AKAP19: variants seen among roughly 807,000 people sequenced by gnomAD.
The protein encoded by AKAP19 is A-kinase anchoring protein 19.
At chr2:190,150,491 C>T in the AKAP19 span, 2 of 152,224 alleles carry the variant, frequency 1.3e-5, no homozygotes, top group Admixed American at 1.3e-4. Flanking sequence ...TTCAGCCTCT[C>T]CAGTGGGAGG....
chr2:190,064,883 C>T, the AKAP19 span, among the ~76,000 whole-genome samples: 1 of 152,138 alleles, frequency 6.6e-6, no homozygotes, highest in Non-Finnish European at 1.5e-5. Context: ...TTTCCGCTAA[C>T]AGACAATTCT....
At chr2:189,894,299 C>A in the AKAP19 span, among the ~76,000 whole-genome samples, 2 of 152,120 alleles carry the variant, frequency 1.3e-5, no homozygotes, top group African/African-American at 4.8e-5. Context: ...TATATTATAA[C>A]ACATTTATGA....
At chr2:189,886,609 G>C in the AKAP19 span, among the ~76,000 whole-genome samples, 6 of 152,176 alleles carry the variant, frequency 3.9e-5, no homozygotes, top group Non-Finnish European at 5.9e-5. Context: ...AAATGCAGGA[G>C]GGATCAGAAT....
chr2:189,946,017 A>G, the AKAP19 span, among the ~76,000 whole-genome samples: 2 of 152,212 alleles, frequency 1.3e-5, no homozygotes, highest in African/African-American at 4.8e-5. Context: ...TAATGTAACA[A>G]GTTTTGGACT....
the AKAP19 span, among the ~76,000 whole-genome samples, chr2:189,994,072 G>A: frequency 1.0e-4 from 15 of 150,116 alleles, no homozygotes; most frequent in East Asian, 3.9e-4. Context: ...GTGCACTGGC[G>A]CGATCTCAGC....
the AKAP19 span, among the ~76,000 whole-genome samples, chr2:190,157,393 C>CACACACACACACACACACACACAT: frequency 6.9e-4 from 103 of 149,346 alleles, 1 homozygote; most frequent in African/African-American, 2.3e-3. Context: ...CACACACACA[C>CACACACACACACACACACACACAT]ATATCACAGG....
the AKAP19 span, chr2:190,181,230 A>T: frequency 1.2e-6 from 1 of 856,388 alleles, no homozygotes; most frequent in Non-Finnish European, 1.4e-6. Flanking sequence ...GGAGGCTTTA[A>T]TTAAACGAGA....
At chr2:190,100,493 T>A in the AKAP19 span, among the ~76,000 whole-genome samples, 4 of 152,086 alleles carry the variant, frequency 2.6e-5, no homozygotes, top group African/African-American at 9.7e-5. Context: ...TTCTAATGAG[T>A]AGGTCATAGT....
the AKAP19 span, among the ~76,000 whole-genome samples, chr2:190,169,583 A>C: frequency 6.6e-6 from 1 of 152,252 alleles, no homozygotes; most frequent in East Asian, 1.9e-4. Flanking sequence ...GCTTCTTATG[A>C]ACAAATAACA....
the AKAP19 span, chr2:190,180,590 G>T: frequency 1.0e-6 from 1 of 985,852 alleles, no homozygotes; most frequent in South Asian, 4.7e-5. The surrounding 1 kb of genome is among the most constrained non-coding windows in gnomAD (Gnocchi z 6.8). Context: ...GGGCGTGAGG[G>T]CGGTGGCCCA....
the AKAP19 span, among the ~76,000 whole-genome samples, chr2:189,885,288 ACTGTGGGGAAGCTAATCAC>A: frequency 1.8e-4 from 28 of 152,330 alleles, 1 homozygote; most frequent in Non-Finnish European, 5.9e-5. Context: ...TGAAATGGTA[ACTGTGGGGAAGCTAATCAC>A]CTTGTGAGAA....
At chr2:190,076,546 T>C in the AKAP19 span, among the ~76,000 whole-genome samples, 1 of 152,336 alleles carries the variant, frequency 6.6e-6, no homozygotes, top group East Asian at 1.9e-4. Flanking sequence ...TTTCAGACAT[T>C]TCACTGGATA....
the AKAP19 span, among the ~76,000 whole-genome samples, chr2:190,026,907 T>C: frequency 6.6e-6 from 1 of 152,110 alleles, no homozygotes; most frequent in South Asian, 2.1e-4. Flanking sequence ...ATAAAACCAG[T>C]TCTTGCACAC....
the AKAP19 span, among the ~76,000 whole-genome samples, chr2:190,121,929 G>A: frequency 4.6e-5 from 7 of 152,116 alleles, no homozygotes; most frequent in Admixed American, 3.9e-4. Flanking sequence ...GTGATGATGT[G>A]TTTTGCTGAT....
At chr2:190,015,263 C>T in the AKAP19 span, among the ~76,000 whole-genome samples, 1 of 152,212 alleles carries the variant, frequency 6.6e-6, no homozygotes, top group Non-Finnish European at 1.5e-5. Flanking sequence ...CATTTCCATA[C>T]ATCCTTTGAA....
the AKAP19 span, among the ~76,000 whole-genome samples, chr2:190,078,784 A>G: frequency 2.0e-5 from 3 of 152,114 alleles, no homozygotes; most frequent in African/African-American, 4.8e-5. Flanking sequence ...CAGCAATTCT[A>G]TCTTTTAGGA....
the AKAP19 span, among the ~76,000 whole-genome samples, chr2:190,004,137 G>A: frequency 6.9e-6 from 1 of 144,844 alleles, no homozygotes; most frequent in African/African-American, 2.7e-5. Context: ...GAATGGGGAG[G>A]GGGGAGGGAT....
chr2:189,934,817 T>C, the AKAP19 span, among the ~76,000 whole-genome samples: 1 of 151,858 alleles, frequency 6.6e-6, no homozygotes, highest in Non-Finnish European at 1.5e-5. Flanking sequence ...AAGTGAATAA[T>C]AAATATTAGT....
At chr2:190,081,845 C>G in the AKAP19 span, among the ~76,000 whole-genome samples, 1 of 152,144 alleles carries the variant, frequency 6.6e-6, no homozygotes, top group Non-Finnish European at 1.5e-5. Flanking sequence ...TAAGCACCCC[C>G]CATTCCACAA....
Sources: allele counts gnomAD v4.1 joint callset (sites outside exome capture counted in the v4.1 genomes callset), GRCh38; gene constraint gnomAD v4.1.1; non-coding constraint Gnocchi (gnomAD v3.1); transcripts MANE v1.5; gene names NCBI Gene and HGNC (gene_info 2026-07-23, HGNC 2026-07-21).